The following FGF23 variants were observed in gnomAD, a reference collection of about 807,000 sequenced individuals.
FGF23 encodes phosphatonin.
FGF23 carries 8 observed loss-of-function variants against 9.0 expected under a neutral mutation model. The ratio of observed to expected loss-of-function variants is 0.89; its 90% CI spans 0.52 to 1.60. The LOEUF (loss-of-function observed/expected upper bound fraction) is 1.60, where lower values mean the gene tolerates loss of function less well. FGF23 is among the 40% of genes most tolerant of loss of function. FGF23 has a pLI of 0.00. For missense variants in FGF23, 311 were observed against 344.3 expected (o/e 0.90, Z 0.77); for synonymous variants, 118 against 146.2 (o/e 0.81, Z 1.39).
chr12:4,376,977 C>T lies in FGF23; in HGVS notation c.211+2395G>A, dbSNP rs116034696. On this transcript the variant is annotated intron_variant, in intron 1 of 2. Coordinates refer to ENST00000237837, the MANE Select transcript of FGF23 (RefSeq NM_020638.3). ...TACCCTGACCCGAAGTTCCCCTCCC[C>T]GCATTCATGTTTAACTCTTTAAAGA... 8.3e-3 allele frequency among the ~76,000 whole-genome samples: 1,266 copies of T among 152,250 alleles called. 16 individuals are homozygous for T. Among genetic ancestry groups the T allele is most frequent in the African/African-American group, 0.029 (1,210 of 41,526 alleles).
At chr12:4,374,901 C>T (rs962515268) in intron 1 of FGF23, among the ~76,000 whole-genome samples, 8 of 152,088 alleles carry the variant, frequency 5.3e-5, no homozygotes, top group Non-Finnish European at 7.4e-5. Context: ...ATCTTCCCAC[C>T]ACCCGGTAAC....
intron 2 of FGF23, among the ~76,000 whole-genome samples, chr12:4,371,089 A>G (rs900415910): frequency 6.6e-6 from 1 of 152,124 alleles, no homozygotes; most frequent in Non-Finnish European, 1.5e-5. Context: ...CCTGCCCTCT[A>G]TCTTTTCCAA....
chr12:4,371,603 G>A (rs1367293626), intron 2 of FGF23, among the ~76,000 whole-genome samples: 4 of 152,206 alleles, frequency 2.6e-5, no homozygotes, highest in African/African-American at 4.8e-5. Context: ...GAGGCCAGCA[G>A]CCTTTAGTTT....
chr12:4,376,177 G>T (rs1242738674), intron 1 of FGF23, among the ~76,000 whole-genome samples: 6 of 152,144 alleles, frequency 3.9e-5, no homozygotes, highest in Non-Finnish European at 5.9e-5. Context: ...TCATGGAACG[G>T]GTGATAAGGA....
Position 4,368,437 on chromosome 12 carries a change from A to G in FGF23, c.*1906T>C, listed in dbSNP as rs1865027904. ...CATGCTTTTAAGTAGTACTACAAAGAGGATAAGCTAACAGAAGCTGAGATA... is the reference window on the plus strand; with the variant it reads ...CATGCTTTTAAGTAGTACTACAAAGGGGATAAGCTAACAGAAGCTGAGATA... On this transcript the variant is annotated 3_prime_UTR_variant, in exon 3 of 3. Transcript: ENST00000237837. 1 of 182,900 alleles carries G rather than the reference A, an allele frequency of 5.5e-6. No individual in the cohort carries two copies. The highest frequency in any genetic ancestry group is 2.0e-4 in the South Asian group (1 of 5,088). 11.3% of individuals were successfully genotyped at this position (182,900 alleles called of 1,614,324 possible).
intron 1 of FGF23, among the ~76,000 whole-genome samples, chr12:4,377,637 A>G (rs1206079467): frequency 6.8e-6 from 1 of 148,114 alleles, no homozygotes; most frequent in African/African-American, 2.5e-5. Context: ...TCACTGTGTT[A>G]GCCAGGATGG....
intron 1 of FGF23, among the ~76,000 whole-genome samples, chr12:4,373,029 T>C (rs192674954): frequency 6.6e-6 from 1 of 152,348 alleles, no homozygotes. Flanking sequence ...GCCTTACTAA[T>C]ACCTTTGAAT....
rs768373820 is a variant in FGF23 at position 4,370,549 on chromosome 12, C to T, written c.550G>A (p.Asp184Asn). 20 of 1,613,152 alleles carry T rather than the reference C, an allele frequency of 1.2e-5. No homozygotes were observed. In the African/African-American group the frequency reaches 1.7e-4, roughly 14 times the overall value. ...ACGTTCAGGGGGTCCCGCTCCGAGT[C>T]GTCCTCGGCGCTCCGGGTGTGCCGC... The part of the protein sequence containing the change: ...PRRHTRSAED[D>N]SERDPLNVLK... Residue 184 changes from aspartate (D) to asparagine (N), a missense_variant, in exon 3 of 3, where the codon GAC becomes AAC. By Grantham distance (23) the Asp-to-Asn change is conservative (BLOSUM62 1). Coordinates refer to ENST00000237837, the MANE Select transcript of FGF23 (RefSeq NM_020638.3).
chr12:4,374,649 CA>C (rs55658971), intron 1 of FGF23, among the ~76,000 whole-genome samples: 131 of 127,656 alleles, frequency 1.0e-3, no homozygotes, highest in African/African-American at 1.3e-3. Flanking sequence ...GACTCCGTCT[CA>C]AAAAAAAAAA....
chr12:4,374,824 A>C (rs1402950075), intron 1 of FGF23, among the ~76,000 whole-genome samples: 1 of 152,208 alleles, frequency 6.6e-6, no homozygotes, highest in African/African-American at 2.4e-5. Context: ...TAGTAGTAGT[A>C]GTAGCAGCAA....
intron 1 of FGF23, among the ~76,000 whole-genome samples, chr12:4,375,636 C>G (rs545249622): frequency 6.6e-6 from 1 of 152,150 alleles, no homozygotes; most frequent in Admixed American, 6.5e-5. Context: ...TGTCTCCGTG[C>G]GTGTGACCTT....
intron 2 of FGF23, among the ~76,000 whole-genome samples, chr12:4,371,712 C>T (rs1865065279): frequency 6.6e-6 from 1 of 152,172 alleles, no homozygotes; most frequent in South Asian, 2.1e-4. Context: ...CCACAGGTCA[C>T]GTGGTCTATT....
At chr12:4,376,648 A>C (rs1865119078) in intron 1 of FGF23, among the ~76,000 whole-genome samples, 1 of 152,056 alleles carries the variant, frequency 6.6e-6, no homozygotes, top group South Asian at 2.1e-4. Flanking sequence ...CAGCCTCCCA[A>C]GTAGCTGTGA....
Position 4,370,679 on chromosome 12 carries a change from CCGGCCCAGA to C in FGF23, c.411_419del (p.Ser137_Gly139del). On this transcript the variant is annotated inframe_deletion, in exon 3 of 3. Coordinates refer to ENST00000237837, the MANE Select transcript of FGF23 (RefSeq NM_020638.3). ...TGCCTGGCAGGAAGGCTCTCTTCGC[CCGGCCCAGA>C]CTGACCAGGAAGTGATACTGAGGAG... 6.2e-7 allele frequency: 1 copy of C among 1,614,124 alleles called. No individual in the cohort carries two copies. The highest frequency in any genetic ancestry group is 8.5e-7 in the Non-Finnish European group (1 of 1,180,010).
In FGF23 at chr12:4,374,403, A is replaced by G. The variant is rs1409835280; in HGVS notation, c.212-1706T>C. ...GGTGGCTCATGCCTGTAATCCCAGCACTCTGGGAGGCTGAGGCGGGTGGAT... is the reference window on the plus strand; with the variant it reads ...GGTGGCTCATGCCTGTAATCCCAGCGCTCTGGGAGGCTGAGGCGGGTGGAT... On this transcript the variant is annotated intron_variant, in intron 1 of 2. Transcript: ENST00000237837. Among the ~76,000 whole-genome samples, 3 of 152,126 alleles carry G rather than the reference A, an allele frequency of 2.0e-5. No individual in the cohort carries two copies. The East Asian group carries it at 5.8e-4, about 29-fold the overall frequency.
rs1484295734 is a variant in FGF23 at position 4,379,502 on chromosome 12, A to T, written c.81T>A (p.Asn27Lys). The stretch of plus-strand genomic sequence containing the variant: ...AGCTGGAGCCGAGCAGTGGGGAGGC[A>T]TTGGGATAGGCTCTGAGGACGCTCA... ...CSMSVLRAYP[N>K]ASPLLGSSWG... Residue 27 changes from asparagine to lysine, a missense_variant, in exon 1 of 3, where the codon AAT becomes AAA. By Grantham distance (94) the Asn-to-Lys change is moderately conservative. Around this residue, in one of 3 missense-constraint regions of FGF23, gnomAD observed 102 missense variants for 108.2 expected, o/e 0.94. Transcript: ENST00000237837. 1.2e-6 allele frequency: 2 copies of T among 1,613,124 alleles called. No homozygotes were observed. The highest frequency in any genetic ancestry group is 3.3e-5 in the Admixed American group (2 of 60,020).
chr12:4,368,996 A>G lies in FGF23; in HGVS notation c.*1347T>C, dbSNP rs1311632234. 8.8e-6 allele frequency: 2 copies of G among 226,796 alleles called. No homozygotes were observed. Among genetic ancestry groups the G allele is most frequent in the Non-Finnish European group, 1.8e-5 (2 of 113,968 alleles). The allele number at this position is 226,796 out of a possible 1,614,324, so 14.0% of individuals were successfully genotyped here. A position where few individuals can be genotyped will look rare whatever the true frequency, so the allele number is the denominator to read the frequency against. Reference sequence around the variant, plus strand: ...TTGAATCGACTTTGCTTGTTAATATACTGTCCTTTAGGTGGTCATTTAAAG... The same window carrying G: ...TTGAATCGACTTTGCTTGTTAATATGCTGTCCTTTAGGTGGTCATTTAAAG... On this transcript the variant is annotated 3_prime_UTR_variant, in exon 3 of 3. Coordinates refer to ENST00000237837, the MANE Select transcript of FGF23 (RefSeq NM_020638.3).
chr12:4,376,266 T>C (rs1865115494), intron 1 of FGF23, among the ~76,000 whole-genome samples: 1 of 152,176 alleles, frequency 6.6e-6, no homozygotes, highest in African/African-American at 2.4e-5. Context: ...GATAACTTCA[T>C]TTTGTCAAGT....
chr12:4,370,359 A>C lies in FGF23; in HGVS notation c.740T>G (p.Phe247Cys), dbSNP rs1287656287. 1 of 1,613,502 alleles carries C rather than the reference A, an allele frequency of 6.2e-7. No individual in the cohort carries two copies. Among genetic ancestry groups the C allele is most frequent in the South Asian group, 1.1e-5 (1 of 91,088 alleles). The change falls in exon 3 of 3, where the codon TTC (phenylalanine) becomes TGC (cysteine). Residue 247 changes from phenylalanine (F) to cysteine (C), a missense_variant. Phe to Cys is a radical substitution (Grantham distance 205, BLOSUM62 -2). Coordinates refer to ENST00000237837, the MANE Select transcript of FGF23 (RefSeq NM_020638.3). ...CCAGCGACCCTAGATGAACTTGGCG[A>C]AGGGGCGGCAGCCTTCCGGGCCCGT... is the stretch of plus-strand genomic sequence containing the variant. ...GGTGPEGCRP[F>C]AKFI
Sources: gnomAD v4.1 joint callset for allele counts (sites outside exome capture counted in the v4.1 genomes callset) on GRCh38, gnomAD v4.1.1 for gene constraint, gnomAD v4.1.1 regional missense constraint, MANE v1.5 for transcripts, NCBI Gene and HGNC (gene_info 2026-07-23, HGNC 2026-07-21) for gene names.